SLC25A17: variants seen among roughly 807,000 people sequenced by gnomAD.
SLC25A17 encodes peroxisomal membrane protein PMP34.
Under a neutral mutation model 38.5 loss-of-function variants are expected in SLC25A17, and 26 were observed. The ratio of observed to expected loss-of-function variants is 0.68; its 90% CI spans 0.50 to 0.94. SLC25A17 has a LOEUF of 0.94. Ranked by LOEUF, SLC25A17 falls within the 40% of genes least tolerant of loss-of-function variation. The pLI, the probability that SLC25A17 is intolerant of heterozygous loss-of-function variation, is 0.00. For synonymous variants in SLC25A17, 139 were observed against 136.2 expected, an observed-to-expected ratio of 1.02 and a Z score of -0.14; for missense variants, 333 against 372.7, an observed-to-expected ratio of 0.89 and a Z score of 0.88.
At position 40,788,938 on chromosome 22, in the gene SLC25A17, AG is replaced by A. The variant is rs201724244; in HGVS notation, c.334+3586del. 1.9e-3 allele frequency: 578 copies of A among 310,502 alleles called. 5 individuals are homozygous for A. Among genetic ancestry groups the A allele is most frequent in the African/African-American group, 0.012 (549 of 44,364 alleles). 19.2% of individuals were successfully genotyped at this position (310,502 alleles called of 1,614,324 possible). On this transcript the variant is annotated intron_variant, in intron 4 of 8. Transcript: ENST00000435456. Reference sequence around the variant, plus strand: ...TGAATCAAAGTTCTTTTCTGGTCTGAGGTAGCCAACAACGGCCACACTCAGG... The same window carrying A: ...TGAATCAAAGTTCTTTTCTGGTCTGAGTAGCCAACAACGGCCACACTCAGG...
At chr22:40,811,304 T>C (rs530530991) in intron 1 of SLC25A17, among the ~76,000 whole-genome samples, 86 of 151,984 alleles carry the variant, frequency 5.7e-4, no homozygotes, top group Admixed American at 1.2e-3. Flanking sequence ...TTGGTCAAGC[T>C]GGTCTCAAAC....
At chr22:40,773,295 A>G (rs2057204379) in intron 8 of SLC25A17, among the ~76,000 whole-genome samples, 1 of 151,550 alleles carries the variant, frequency 6.6e-6, no homozygotes, top group South Asian at 2.1e-4. Context: ...CTGTAGTCCC[A>G]GCTACTTGGG....
intron 1 of SLC25A17, among the ~76,000 whole-genome samples, chr22:40,802,091 C>T (rs1272915282): frequency 2.0e-5 from 3 of 151,984 alleles, no homozygotes; most frequent in Non-Finnish European, 2.9e-5. Context: ...CGTGCCTGGC[C>T]GGTACTGCAT....
rs374268137 is a variant in SLC25A17 at position 40,819,211 on chromosome 22, G to C, written c.38C>G (p.Ala13Gly). 2 of 1,613,732 alleles carry C rather than the reference G, an allele frequency of 1.2e-6. No homozygotes were observed. The highest frequency in any genetic ancestry group is 4.5e-5 in the East Asian group (2 of 44,870). ...SVLSYESLVH[A>G]VAGAVGSVTA... is the part of the protein sequence containing the mutation. ...CCGTCTCACCACGGCTCCGGCCACGGCGTGGACCAGGCTTTCGTAGGACAG... is the reference window on the plus strand; with the variant it reads ...CCGTCTCACCACGGCTCCGGCCACGCCGTGGACCAGGCTTTCGTAGGACAG... Residue 13 changes from alanine to glycine, a missense_variant, in exon 1 of 9, where the codon GCC becomes GGC. Transcript: ENST00000435456.
At chr22:40,814,777 ATATATATATATATT>A (rs757599423) in intron 1 of SLC25A17, among the ~76,000 whole-genome samples, 5,930 of 70,664 alleles carry the variant, frequency 0.084, 187 homozygotes, top group African/African-American at 0.14. Context: ...ATATATATAT[ATATATATATATATT>A]GTTGTTGTTG....
Position 40,819,302 on chromosome 22 carries a change from G to A in SLC25A17, c.-54C>T, listed in dbSNP as rs2057673253. On this transcript the variant is annotated 5_prime_UTR_variant, in exon 1 of 9. Transcript: ENST00000435456. ...ACTTTTCCCACAGATGCCGCAGCCA[G>A]TGGAGTTAGGAAAGGAGCACCGGAG... 5 of 1,594,180 alleles carry A rather than the reference G, an allele frequency of 3.1e-6. No individual in the cohort carries two copies. The East Asian group carries it at 9.1e-5, about 29-fold the overall frequency.
rs754124745 is a variant in SLC25A17, at chr22:40,777,011, C to T, written c.693+29G>A. The stretch of plus-strand genomic sequence containing the variant: ...CTACATGTATTCGAATGCTGTTTGA[C>T]TAAATGCGAAGAGAACTCCAGCACT... On this transcript the variant is annotated intron_variant, in intron 7 of 8. Coordinates refer to ENST00000435456, the MANE Select transcript of SLC25A17 (RefSeq NM_006358.4). The T allele has an allele frequency of 9.5e-6, 15 of 1,584,732 alleles. No homozygotes were observed. In the African/African-American group the frequency reaches 1.2e-4, roughly 13 times the overall value.
At chr22:40,799,220 A>G (rs2057459210) in intron 1 of SLC25A17, 137 bp from the exon 2 acceptor site, 1 of 610,152 alleles carries the variant, frequency 1.6e-6, no homozygotes, top group Admixed American at 2.9e-5. Flanking sequence ...TCTTGGGCTC[A>G]AGTGATCCTC....
chr22:40,770,736 G>T lies in SLC25A17; in HGVS notation c.*98C>A. 7.6e-7 allele frequency: 1 copy of T among 1,308,140 alleles called. No homozygotes were observed. The highest frequency in any genetic ancestry group is 1.0e-6 in the Non-Finnish European group (1 of 962,460). 81.0% of individuals were successfully genotyped at this position (1,308,140 alleles called of 1,614,324 possible). On this transcript the variant is annotated 3_prime_UTR_variant, in exon 9 of 9. Transcript: ENST00000435456. ...TTTCAAGCCAATGAGGGTAACATTTGTGGTGGCAGGAGCCAGAGTCAAGGG... is the reference window on the plus strand; with the variant it reads ...TTTCAAGCCAATGAGGGTAACATTTTTGGTGGCAGGAGCCAGAGTCAAGGG...
chr22:40,779,785 C>T (rs1569400885), intron 4 of SLC25A17: 1 of 153,636 alleles, frequency 6.5e-6, no homozygotes, highest in Non-Finnish European at 1.5e-5. Flanking sequence ...TCTTGGCCCC[C>T]CAAGGTTGCC....
intron 1 of SLC25A17, among the ~76,000 whole-genome samples, chr22:40,816,146 A>T (rs2057636958): frequency 6.6e-6 from 1 of 151,490 alleles, no homozygotes; most frequent in Non-Finnish European, 1.5e-5. Context: ...CCGAGATTGC[A>T]TCACTGCACT....
intron 1 of SLC25A17, among the ~76,000 whole-genome samples, chr22:40,803,369 A>T (rs1702247180): frequency 6.6e-6 from 1 of 152,010 alleles, no homozygotes; most frequent in South Asian, 2.1e-4. Context: ...TATAAAATCA[A>T]TTTTTTTAGA....
chr22:40,792,676 G>C lies in SLC25A17; in HGVS notation c.183C>G (p.Leu61=), dbSNP rs141590703. The change falls in exon 4 of 9, where the codon CTC becomes CTG. Residue 61 remains leucine (L), a splice_region_variant and synonymous_variant. Coordinates refer to ENST00000435456, the MANE Select transcript of SLC25A17 (RefSeq NM_006358.4). The stretch of plus-strand genomic sequence containing the variant: ...GAAACCACCCTCGATATGGTGCCAG[G>C]CTAGGGGAAAAACACAATAAGCAAA... The part of the protein sequence containing the change: ...VLLEIIKEEG[L]LAPYRGWFPV... The C allele has an allele frequency of 1.9e-6, 3 of 1,613,670 alleles. No individual in the cohort carries two copies. In the East Asian group the frequency reaches 6.7e-5, roughly 36 times the overall value.
rs551912505 is a variant in SLC25A17 at position 40,769,848 on chromosome 22, G to C, written c.*986C>G. 3 of 152,292 alleles carry C rather than the reference G, an allele frequency of 2.0e-5. No homozygotes were observed. The highest frequency in any genetic ancestry group is 1.9e-4 in the East Asian group (1 of 5,182). 9.4% of individuals were successfully genotyped at this position (152,292 alleles called of 1,614,324 possible). On this transcript the variant is annotated 3_prime_UTR_variant, in exon 9 of 9. Transcript: ENST00000435456. Reference sequence around the variant, plus strand: ...CCCAGCAAGCTCTCAGCTTGTGGCAGTACTACCGTCTGATGGACCACACTG... The same window carrying C: ...CCCAGCAAGCTCTCAGCTTGTGGCACTACTACCGTCTGATGGACCACACTG...
intron 7 of SLC25A17, 125 bp downstream of exon 7, chr22:40,776,915 C>T: frequency 1.2e-6 from 1 of 815,440 alleles, no homozygotes; most frequent in South Asian, 1.8e-5. Context: ...AGAAAAAAAA[C>T]AGATAGGGAA....
chr22:40,773,270 C>T (rs1300406052), intron 8 of SLC25A17, among the ~76,000 whole-genome samples: 1 of 151,908 alleles, frequency 6.6e-6, no homozygotes, highest in African/African-American at 2.4e-5. Context: ...ATGAGCCAGG[C>T]GTGGTGGCAG....
At chr22:40,771,991 C>T (rs1329482431) in intron 8 of SLC25A17, among the ~76,000 whole-genome samples, 2 of 150,530 alleles carry the variant, frequency 1.3e-5, no homozygotes, top group African/African-American at 4.9e-5. Context: ...CTACTATGTA[C>T]CCACAAAAAT....
intron 1 of SLC25A17, among the ~76,000 whole-genome samples, chr22:40,814,776 TATATATATATA>T (rs1399363160): frequency 8.3e-5 from 12 of 145,234 alleles, no homozygotes; most frequent in South Asian, 2.2e-4. Context: ...TATATATATA[TATATATATATA>T]TATTGTTGTT....
intron 4 of SLC25A17, among the ~76,000 whole-genome samples, chr22:40,784,911 C>T (rs1365289132): frequency 6.6e-6 from 1 of 151,884 alleles, no homozygotes; most frequent in African/African-American, 2.4e-5. Context: ...AGGCAGCCAA[C>T]TGTTCAAATA....
Sources: allele counts gnomAD v4.1 joint callset (sites outside exome capture counted in the v4.1 genomes callset), GRCh38; gene constraint gnomAD v4.1.1; transcripts MANE v1.5; gene names NCBI Gene and HGNC (gene_info 2026-07-23, HGNC 2026-07-21).